DMD: variants seen among roughly 807,000 people sequenced by gnomAD.
The protein encoded by DMD is mutant dystrophin.
Under a neutral mutation model 330.1 loss-of-function variants are expected in DMD, and 63 were observed. The observed-to-expected ratio is 0.19, with a 90% CI of 0.16 to 0.24. DMD has a LOEUF of 0.24. DMD is among the 10% of genes least tolerant of loss of function. The pLI is 1.00. For missense variants in DMD, 3,344 were observed against 2,684.1 expected, an observed-to-expected ratio of 1.25 and a Z score of -5.43; for synonymous variants, 1,223 against 959.8, an observed-to-expected ratio of 1.27 and a Z score of -5.07.
chrX:32,972,587 T>C (rs2092421978), intron 2 of DMD, among the ~76,000 whole-genome samples: 1 of 112,263 alleles, frequency 8.9e-6, no homozygotes, highest in Non-Finnish European at 1.9e-5. Context: ...ACATTTTTTA[T>C]TTAAAAACAA....
intron 63 of DMD, among the ~76,000 whole-genome samples, chrX:31,225,800 T>C (rs975599462): frequency 8.9e-6 from 1 of 111,829 alleles, no homozygotes; most frequent in African/African-American, 3.3e-5. Context: ...ACCACTCTAA[T>C]AGAGGACTGT....
intron 44 of DMD, among the ~76,000 whole-genome samples, chrX:32,027,217 G>A (rs1303471297): frequency 9.3e-6 from 1 of 107,650 alleles, no homozygotes; most frequent in African/African-American, 3.4e-5. Context: ...AGCGGGGGAA[G>A]GCTGGGGAGA....
chrX:33,182,119 A>C, intron 1 of DMD, among the ~76,000 whole-genome samples: 1 of 112,530 alleles, frequency 8.9e-6, no homozygotes, highest in Non-Finnish European at 1.9e-5. Flanking sequence ...AAAGGGGAAA[A>C]AAATATTACA....
intron 43 of DMD, among the ~76,000 whole-genome samples, chrX:32,241,197 C>T (rs1231645094): frequency 8.9e-6 from 1 of 112,171 alleles, no homozygotes; most frequent in Non-Finnish European, 1.9e-5. Context: ...ACGTTTGTGT[C>T]TTGTTCTCTC....
At chrX:32,755,126 G>A (rs1486222921) in intron 7 of DMD, 1 of 110,744 alleles carries the variant, frequency 9.0e-6, no homozygotes, top group Admixed American at 9.7e-5. Flanking sequence ...AATTGCCCAT[G>A]TATCTGCTTG....
At chrX:32,417,901 C>T (rs776369638) in intron 29 of DMD, among the ~76,000 whole-genome samples, 1 of 108,365 alleles carries the variant, frequency 9.2e-6, no homozygotes, top group East Asian at 2.9e-4. Context: ...TGCCTATTTT[C>T]CTTAACTCCT....
intron 54 of DMD, among the ~76,000 whole-genome samples, chrX:31,631,460 C>T (rs1040831962): frequency 9.1e-6 from 1 of 110,458 alleles, no homozygotes; most frequent in Admixed American, 9.7e-5. Flanking sequence ...GTATAAAATC[C>T]TGGGTCCCTT....
At chrX:32,377,927 T>C (rs1439006918) in intron 34 of DMD, among the ~76,000 whole-genome samples, 1 of 111,234 alleles carries the variant, frequency 9.0e-6, no homozygotes, top group Non-Finnish European at 1.9e-5. Flanking sequence ...TTTCCTCTCA[T>C]AGAATTGCTT....
chrX:33,318,350 T>C (rs781467191), intron 1 of DMD, among the ~76,000 whole-genome samples: 11 of 111,054 alleles, frequency 9.9e-5, no homozygotes, highest in South Asian at 3.8e-4. Context: ...TTTATATACA[T>C]GTTCGATTAG....
At chrX:31,599,182 G>T (rs953568989) in intron 55 of DMD, among the ~76,000 whole-genome samples, 5 of 111,810 alleles carry the variant, frequency 4.5e-5, no homozygotes, top group South Asian at 3.7e-4. Flanking sequence ...TGCATTTAAG[G>T]TCTGAAGTTT....
intron 43 of DMD, among the ~76,000 whole-genome samples, chrX:32,259,953 G>T (rs1250420623): frequency 3.6e-5 from 4 of 111,580 alleles, no homozygotes; most frequent in African/African-American, 1.3e-4. Context: ...GGAAAATGTA[G>T]CATCTGAGCA....
chrX:33,236,533 G>A (rs1203764906), intron 1 of DMD, among the ~76,000 whole-genome samples: 1 of 110,649 alleles, frequency 9.0e-6, no homozygotes, highest in African/African-American at 3.3e-5. Flanking sequence ...CCAAACTTCT[G>A]GGATTACAGG....
chrX:32,414,254 C>T (rs1351480859), intron 29 of DMD, among the ~76,000 whole-genome samples: 1 of 111,752 alleles, frequency 8.9e-6, no homozygotes, highest in Non-Finnish European at 1.9e-5. Context: ...GTGGACATCT[C>T]TTCCAAGTGG....
chrX:32,526,723 A>C lies in DMD; in HGVS notation c.2169-8592T>G, dbSNP rs1338162197. On this transcript the variant is annotated intron_variant, in intron 17 of 78. Transcript: ENST00000357033. ...GCAAAAACACATACAAACATCTCAA[A>C]GAACTAGAGAAATGTTTGCCATTTA... Among the ~76,000 whole-genome samples the C allele has an allele frequency of 4.5e-5, 5 of 112,227 alleles. No individual in the cohort carries two copies. The East Asian group carries it at 1.4e-3, about 31-fold the overall frequency.
chrX:31,596,260 A>T (rs74945373), intron 55 of DMD, among the ~76,000 whole-genome samples: 1,888 of 111,969 alleles, frequency 0.017, 26 homozygotes, highest in East Asian at 0.11. Flanking sequence ...TCAGTAAACT[A>T]CTCTAAGATT....
chrX:32,777,535 C>T (rs1463424191), intron 7 of DMD, among the ~76,000 whole-genome samples: 1 of 110,311 alleles, frequency 9.1e-6, no homozygotes, highest in African/African-American at 3.3e-5. Flanking sequence ...GTTATGCTTC[C>T]TTCAGATGGG....
rs911165743 is a variant in DMD at position 31,277,264 on chromosome X, T to C, written c.9225-16248A>G. On this transcript the variant is annotated intron_variant, in intron 62 of 78. Transcript: ENST00000357033. ...TACCTATAGTCACCATGGTGTACAA[T>C]AGAGCTCTTGAACTTATTCCTCCTA... Among the ~76,000 whole-genome samples, 4 of 111,188 alleles carry C rather than the reference T, an allele frequency of 3.6e-5. No individual in the cohort carries two copies. In the East Asian group the frequency reaches 1.1e-3, roughly 31 times the overall value.
chrX:33,296,064 G>A (rs1018997957), intron 1 of DMD, among the ~76,000 whole-genome samples: 4 of 111,451 alleles, frequency 3.6e-5, no homozygotes, highest in African/African-American at 1.3e-4. Flanking sequence ...TTACCTATGA[G>A]ATCCAGGTAA....
At chrX:32,800,269 A>G (rs763059434) in intron 7 of DMD, among the ~76,000 whole-genome samples, 27 of 112,226 alleles carry the variant, frequency 2.4e-4, no homozygotes, top group Admixed American at 7.6e-4. Context: ...TACAGGCATG[A>G]ATCACGAATT....
Sources: gnomAD v4.1 joint callset for allele counts (sites outside exome capture counted in the v4.1 genomes callset) on GRCh38, gnomAD v4.1.1 for gene constraint, MANE v1.5 for transcripts, NCBI Gene and HGNC (gene_info 2026-07-23, HGNC 2026-07-21) for gene names.